The following SERINC2 variants were observed in gnomAD, a reference collection of about 807,000 sequenced individuals.
SERINC2 encodes the protein tumor differentially expressed protein 2.
Under a neutral mutation model 54.2 loss-of-function variants are expected in SERINC2, and 56 were observed. The ratio of observed to expected loss-of-function variants is 1.03; its 90% CI spans 0.83 to 1.29. The LOEUF (loss-of-function observed/expected upper bound fraction) is 1.29. Among genes scored for constraint, SERINC2 ranks in the 50% most tolerant of loss-of-function variants. The probability of loss-of-function intolerance (pLI) is 0.00; values close to 1 mark genes in which losing one functional copy is unlikely to be tolerated. For synonymous variants in SERINC2, 272 were observed against 253.1 expected, an observed-to-expected ratio of 1.07 and a Z score of -0.71; for missense variants, 614 against 607.4, an observed-to-expected ratio of 1.01 and a Z score of -0.12.
chr1:31,413,090 T>C (rs560669867), upstream of SERINC2: 5,686 of 984,982 alleles, frequency 5.8e-3, 16 homozygotes, highest in Non-Finnish European at 6.4e-3. This position sits in a 1 kb window ranked among gnomAD's most constrained non-coding sequence, Gnocchi z 5.0. Flanking sequence ...CTGGCGCACC[T>C]GCCCCAGGTG....
intron 5 of SERINC2, among the ~76,000 whole-genome samples, chr1:31,426,390 G>C (rs557692221): frequency 3.3e-5 from 5 of 152,186 alleles, no homozygotes; most frequent in African/African-American, 7.2e-5. Flanking sequence ...CCTGTACCTC[G>C]TTCAGTTTTT....
intron 8 of SERINC2, 101 bp downstream of exon 8, chr1:31,429,639 C>T: frequency 7.8e-7 from 1 of 1,285,088 alleles, no homozygotes; most frequent in Non-Finnish European, 1.1e-6. Context: ...GGAACGTGCT[C>T]TTCACATTCA....
rs1640698437 is a variant in SERINC2, at chr1:31,413,557, G to A, written c.39+253G>A. On this transcript the variant is annotated intron_variant, in intron 1 of 9. Coordinates refer to ENST00000373709, the MANE Select transcript of SERINC2 (RefSeq NM_178865.5). The surrounding 1 kb of genome is among the most constrained non-coding windows in gnomAD (Gnocchi z 5.0). The stretch of plus-strand genomic sequence containing the variant: ...TCCCGGCTCGGGTTTCCGCGGGCAG[G>A]AGGGGAGTGCCCTCGGCGGGCGCCC... 6.6e-6 allele frequency among the ~76,000 whole-genome samples: 1 copy of A among 151,770 alleles called. No homozygotes were observed.
intron 1 of SERINC2, chr1:31,414,182 A>C (rs1416458296): frequency 4.4e-6 from 6 of 1,379,184 alleles, no homozygotes. Context: ...GGGGAGGCCA[A>C]CCTCTGTTCT....
At chr1:31,412,470 G>A (rs570594749), upstream of SERINC2, among the ~76,000 whole-genome samples, 4 of 152,314 alleles carry the variant, frequency 2.6e-5, no homozygotes, top group Admixed American at 2.6e-4. Context: ...AACAGATGGA[G>A]AGAAGGGAGG....
At position 31,425,759 on chromosome 1, in the gene SERINC2, C is replaced by A. The variant is rs374878538; in HGVS notation, c.473-17C>A. 10 of 1,591,204 alleles carry A rather than the reference C, an allele frequency of 6.3e-6. No individual in the cohort carries two copies. In the African/African-American group the frequency reaches 1.2e-4, roughly 19 times the overall value. ...AGAGAGGGACCCTCCTCGCCTCACTCCCCTCTCCCCACCCAGTCTGGTTCT... is the reference window on the plus strand; with the variant it reads ...AGAGAGGGACCCTCCTCGCCTCACTACCCTCTCCCCACCCAGTCTGGTTCT... On this transcript the variant is annotated splice_polypyrimidine_tract_variant and intron_variant, in intron 4 of 9. Transcript: ENST00000373709.
At chr1:31,426,012 G>A in intron 5 of SERINC2, 99 bp downstream of exon 5, 1 of 1,312,750 alleles carries the variant, frequency 7.6e-7, no homozygotes, top group South Asian at 1.3e-5. Flanking sequence ...TAAAACTGGG[G>A]GGCATCCCTA....
At chr1:31,429,220 C>T in intron 7 of SERINC2, 152 bp downstream of exon 7, 1 of 1,013,170 alleles carries the variant, frequency 9.9e-7, no homozygotes, top group East Asian at 2.4e-5. Flanking sequence ...AGGGCCCCGT[C>T]TGTTCCTGAG....
intron 1 of SERINC2, among the ~76,000 whole-genome samples, chr1:31,423,429 C>T (rs1373285317): frequency 6.6e-6 from 1 of 151,840 alleles, no homozygotes; most frequent in African/African-American, 2.4e-5. Context: ...AAAGAAACAG[C>T]GTGACCTCGG....
At chr1:31,426,286 C>T (rs1317645409) in intron 5 of SERINC2, among the ~76,000 whole-genome samples, 5 of 152,192 alleles carry the variant, frequency 3.3e-5, no homozygotes, top group Admixed American at 3.3e-4. Flanking sequence ...CAGTTCTGAA[C>T]ACAACGAGGA....
intron 1 of SERINC2, among the ~76,000 whole-genome samples, chr1:31,422,985 G>A (rs1553132920): frequency 6.6e-6 from 1 of 152,182 alleles, no homozygotes; most frequent in East Asian, 1.9e-4. Context: ...TGTTTATTCT[G>A]CACTTGCTGT....
At chr1:31,428,399 G>C (rs1641099963) in intron 6 of SERINC2, among the ~76,000 whole-genome samples, 2 of 152,182 alleles carry the variant, frequency 1.3e-5, no homozygotes, top group Non-Finnish European at 2.9e-5. Context: ...GTGGTGAGGG[G>C]TGGGGAAGGA....
chr1:31,431,929 GAT>G (rs1553134600), intron 8 of SERINC2, among the ~76,000 whole-genome samples: 1 of 138,836 alleles, frequency 7.2e-6, no homozygotes, highest in African/African-American at 2.6e-5. Flanking sequence ...GGTTAGGGTG[GAT>G]AGGGTGGTTA....
rs782617655 is a variant in SERINC2, at chr1:31,424,788, G to A, written c.307G>A (p.Ala103Thr). The A allele has an allele frequency of 8.7e-6, 14 of 1,611,958 alleles. No homozygotes were observed. The highest frequency in any genetic ancestry group is 3.3e-5 in the South Asian group (3 of 90,690). Residue 103 changes from alanine to threonine, a missense_variant, in exon 3 of 10, where the codon GCC becomes ACC. By Grantham distance (58) the Ala-to-Thr change is moderately conservative. Coordinates refer to ENST00000373709, the MANE Select transcript of SERINC2 (RefSeq NM_178865.5). ...GYRAVYRMCFATAAFFFFFTL... is the reference protein window; with the variant it reads ...GYRAVYRMCFTTAAFFFFFTL... ...CCGCGCTGTCTACCGCATGTGCTTC[G>A]CCACGGCGGCCTTCTTCTTCTTTTT...
At chr1:31,426,116 T>C (rs1641035262) in intron 5 of SERINC2, 1 of 585,962 alleles carries the variant, frequency 1.7e-6, no homozygotes, top group East Asian at 3.2e-5. Flanking sequence ...CGAGGAGAGC[T>C]GACCTGGAGA....
At chr1:31,415,139 C>T (rs1640751856) in intron 1 of SERINC2, among the ~76,000 whole-genome samples, 1 of 152,184 alleles carries the variant, frequency 6.6e-6, no homozygotes, top group African/African-American at 2.4e-5. Flanking sequence ...TAAGGTTGCA[C>T]AGGGAAAGGA....
At chr1:31,410,182 A>C (rs1553131301), upstream of SERINC2, 1 of 1,436,696 alleles carries the variant, frequency 7.0e-7, no homozygotes, top group Non-Finnish European at 9.1e-7. Flanking sequence ...CCAGTATCAC[A>C]TAGCTGCTGA....
chr1:31,423,633 T>G, intron 1 of SERINC2, 60 bp from the exon 2 acceptor site: 60 of 1,544,888 alleles, frequency 3.9e-5, no homozygotes, highest in Non-Finnish European at 4.8e-5. Flanking sequence ...GGGCAGGTGG[T>G]GAGAGGTGCG....
At chr1:31,431,551 G>A (rs1486792789) in intron 8 of SERINC2, among the ~76,000 whole-genome samples, 13 of 152,148 alleles carry the variant, frequency 8.5e-5, no homozygotes, top group South Asian at 2.1e-4. Flanking sequence ...TCCCCTCCCC[G>A]ACCTGGCACA....
Sources: gnomAD v4.1 joint callset for allele counts (sites outside exome capture counted in the v4.1 genomes callset) on GRCh38, gnomAD v4.1.1 for gene constraint, Gnocchi (gnomAD v3.1) non-coding constraint, MANE v1.5 for transcripts, NCBI Gene and HGNC (gene_info 2026-07-23, HGNC 2026-07-21) for gene names.